The following IPO5 variants were observed in gnomAD, a reference collection of about 807,000 sequenced individuals.
IPO5 encodes importin-5.
A neutral mutation model predicts 143.3 loss-of-function variants in IPO5; 18 were observed. The ratio of observed to expected loss-of-function variants is 0.13; its 90% CI spans 0.09 to 0.19. IPO5 has a LOEUF of 0.19. Ranked by LOEUF, IPO5 falls within the 10% of genes least tolerant of loss-of-function variation. IPO5 has a pLI of 1.00. For missense variants in IPO5, 1,013 were observed against 1,336.9 expected, an observed-to-expected ratio of 0.76 and a Z score of 3.78; for synonymous variants, 477 against 465.7, an observed-to-expected ratio of 1.02 and a Z score of -0.31.
intron 18 of IPO5, 57 bp downstream of exon 18, chr13:98,008,199 G>C: frequency 1.0e-6 from 1 of 1,003,898 alleles, no homozygotes. Flanking sequence ...ACAGCACATG[G>C]TTCAATATAT....
intron 6 of IPO5, among the ~76,000 whole-genome samples, chr13:97,988,417 A>G (rs1276131763): frequency 3.3e-5 from 5 of 152,346 alleles, no homozygotes; most frequent in Non-Finnish European, 1.5e-5. Context: ...TAGCAATGGT[A>G]TATATAAAGG....
intron 3 of IPO5, among the ~76,000 whole-genome samples, chr13:97,970,460 A>C (rs1293568215): frequency 6.6e-6 from 1 of 151,982 alleles, no homozygotes; most frequent in Non-Finnish European, 1.5e-5. Context: ...CTCTACTAAA[A>C]ATAAAAAAAA....
chr13:97,960,355 C>T (rs577933348), intron 2 of IPO5: 25 of 152,098 alleles, frequency 1.6e-4, no homozygotes, highest in African/African-American at 4.8e-4. Flanking sequence ...AGGAATTCTC[C>T]GAAGTTTGAA....
In IPO5 at chr13:97,985,404, A is replaced by G. The variant is rs778129288; in HGVS notation, c.172-17A>G. ...GGCAGAGTGAATCTAGTTATTAACA[A>G]TGTTATCTGTTTATAGGCTAGACAA... On this transcript the variant is annotated splice_polypyrimidine_tract_variant and intron_variant, in intron 5 of 28. Coordinates refer to ENST00000651721, the MANE Select transcript of IPO5 (RefSeq NM_002271.6). 12 of 1,589,304 alleles carry G rather than the reference A, an allele frequency of 7.6e-6. No homozygotes were observed. The highest frequency in any genetic ancestry group is 1.7e-4 in the Middle Eastern group (1 of 6,026).
intron 4 of IPO5, chr13:97,979,745 T>A (rs1886687108): frequency 2.6e-6 from 1 of 379,552 alleles, no homozygotes; most frequent in Non-Finnish European, 5.2e-6. Flanking sequence ...TTGCCCAGGC[T>A]GGTCTTGAAC....
intron 21 of IPO5, among the ~76,000 whole-genome samples, chr13:98,013,354 A>G (rs1422335717): frequency 6.6e-6 from 1 of 152,168 alleles, no homozygotes; most frequent in Non-Finnish European, 1.5e-5. Context: ...CTTTCTCAAC[A>G]TAATGATAGC....
rs535956538 is a variant in IPO5, at chr13:98,003,112, A to G, written c.1497+75A>G. The G allele has an allele frequency of 2.1e-5, 23 of 1,089,866 alleles. No homozygotes were observed. In the African/African-American group the frequency reaches 3.5e-4, roughly 16 times the overall value. 67.5% of individuals were successfully genotyped at this position (1,089,866 alleles called of 1,614,324 possible). On this transcript the variant is annotated intron_variant, in intron 16 of 28. Transcript: ENST00000651721. ...TTGATTTGATGGGTAAGAACTGGAG[A>G]AAGAGGGACTTGCAGCATGACCATA...
intron 12 of IPO5, 139 bp downstream of exon 12, chr13:97,997,757 T>C (rs188959226): frequency 6.2e-5 from 26 of 420,100 alleles, no homozygotes; most frequent in African/African-American, 4.1e-4. Flanking sequence ...TTGTATTTAT[T>C]GCTGTGTCAC....
intron 11 of IPO5, 145 bp from the exon 12 acceptor site, chr13:97,997,386 A>C: frequency 2.3e-6 from 1 of 437,944 alleles, no homozygotes. Context: ...AAATTTAACA[A>C]ACCAGGTTTT....
intron 4 of IPO5, chr13:97,979,909 T>C (rs545105444): frequency 2.2e-6 from 1 of 456,698 alleles, no homozygotes; most frequent in South Asian, 1.5e-5. Context: ...TAGATAAAAG[T>C]CATGTGTCCC....
At chr13:98,014,305 T>C in intron 22 of IPO5, 91 bp downstream of exon 22, 2 of 907,070 alleles carry the variant, frequency 2.2e-6, no homozygotes, top group Non-Finnish European at 3.3e-6. Flanking sequence ...TGAGACAGGG[T>C]ATTGCTCTGT....
intron 7 of IPO5, among the ~76,000 whole-genome samples, chr13:97,989,434 C>T (rs188417946): frequency 2.0e-5 from 3 of 152,104 alleles, no homozygotes; most frequent in Admixed American, 2.0e-4. Context: ...GAACAGTTTC[C>T]TCTCCTTTAT....
chr13:97,994,694 C>G (rs1260720839), intron 11 of IPO5, among the ~76,000 whole-genome samples: 1 of 152,160 alleles, frequency 6.6e-6, no homozygotes, highest in Admixed American at 6.5e-5. Context: ...AAGTGGAGAT[C>G]TTGTTTCATC....
rs1890582095 is a variant in IPO5, at chr13:98,022,911, ATAGCAGTAAATGACTTGCTG to A, written c.*1091_*1110del. 1.3e-5 allele frequency: 2 copies of A among 152,672 alleles called. No homozygotes were observed. Among genetic ancestry groups the A allele is most frequent in the African/African-American group, 4.8e-5 (2 of 41,468 alleles). The allele number at this position is 152,672 out of a possible 1,614,324, so 9.5% of individuals were successfully genotyped here. On this transcript the variant is annotated 3_prime_UTR_variant, in exon 29 of 29. Coordinates refer to ENST00000651721, the MANE Select transcript of IPO5 (RefSeq NM_002271.6). ...GAATGTTTCTTTATGTATTAACCTC[ATAGCAGTAAATGACTTGCTG>A]TTGTTTAATTTTTCTAAGGCATCTT... is the stretch of plus-strand genomic sequence containing the variant.
intron 12 of IPO5, among the ~76,000 whole-genome samples, chr13:97,998,218 G>A (rs888964133): frequency 2.6e-5 from 4 of 152,124 alleles, no homozygotes; most frequent in Non-Finnish European, 5.9e-5. Context: ...ATCATGATCC[G>A]CCCGCCTCGG....
intron 16 of IPO5, among the ~76,000 whole-genome samples, chr13:98,005,122 C>A (rs1889112770): frequency 1.3e-5 from 2 of 151,256 alleles, no homozygotes; most frequent in African/African-American, 4.8e-5. Flanking sequence ...TTCTTGAACA[C>A]CTGACCTCAA....
intron 25 of IPO5, 42 bp from the exon 26 acceptor site, chr13:98,018,443 G>A: frequency 2.2e-6 from 3 of 1,344,108 alleles, no homozygotes; most frequent in South Asian, 1.2e-5. Flanking sequence ...CATTCTTTGT[G>A]TACACCAGTA....
At chr13:97,981,698 A>T (rs1182367541) in intron 4 of IPO5, among the ~76,000 whole-genome samples, 1 of 152,238 alleles carries the variant, frequency 6.6e-6, no homozygotes, top group African/African-American at 2.4e-5. Context: ...ACTTAAATTG[A>T]TTTCTTTTCC....
chr13:97,981,478 T>G (rs1489220654), intron 4 of IPO5: 1 of 281,716 alleles, frequency 3.5e-6, no homozygotes, highest in African/African-American at 2.3e-5. Flanking sequence ...TAGTAAAAGG[T>G]TTAAGCTAGA....
Sources: allele counts gnomAD v4.1 joint callset (sites outside exome capture counted in the v4.1 genomes callset), GRCh38; gene constraint gnomAD v4.1.1; transcripts MANE v1.5; gene names NCBI Gene and HGNC (gene_info 2026-07-23, HGNC 2026-07-21).